The following DOP1A variants were observed in gnomAD, a reference collection of about 807,000 sequenced individuals.
The protein encoded by DOP1A is protein DOP1A.
A neutral mutation model predicts 267.6 loss-of-function variants in DOP1A; 90 were observed. The ratio of observed to expected loss-of-function variants is 0.34; its 90% confidence interval spans 0.28 to 0.40. DOP1A has a LOEUF of 0.40. Ranked by LOEUF, DOP1A falls within the 10% of genes least tolerant of loss-of-function variation. DOP1A has a pLI of 1.00. For missense variants in DOP1A, 2,437 were observed against 2,900.4 expected, an observed-to-expected ratio of 0.84 and a Z score of 3.67; for synonymous variants, 932 against 999.1, an observed-to-expected ratio of 0.93 and a Z score of 1.27.
At chr6:83,141,882 T>G in intron 23 of DOP1A, 39 bp from the exon 24 acceptor site, 1 of 1,571,410 alleles carries the variant, frequency 6.4e-7, no homozygotes, top group Non-Finnish European at 8.6e-7. Flanking sequence ...TTTTTCATTT[T>G]TTAAAAGTTT....
chr6:83,116,006 A>G (rs985459966), intron 7 of DOP1A, among the ~76,000 whole-genome samples: 2 of 152,220 alleles, frequency 1.3e-5, no homozygotes, highest in Non-Finnish European at 2.9e-5. Flanking sequence ...TTAAAAGTAC[A>G]GAAGGTCCTC....
intron 38 of DOP1A, chr6:83,167,407 G>A: frequency 2.0e-6 from 2 of 981,432 alleles, no homozygotes; most frequent in South Asian, 4.7e-5. Context: ...AGGCCATTTA[G>A]ATAAAAGGGA....
chr6:83,145,175 T>A (rs9353122), intron 24 of DOP1A, among the ~76,000 whole-genome samples: 1 of 81,650 alleles, frequency 1.2e-5, no homozygotes, highest in Non-Finnish European at 2.2e-5. Context: ...ATATATATAT[T>A]TAAAAGTATA....
Position 83,092,563 on chromosome 6 carries a change from C to G in DOP1A, c.-146-4168C>G, listed in dbSNP as rs7747837. Among the ~76,000 whole-genome samples the G allele has an allele frequency of 2.2e-3, 260 of 115,936 alleles. 4 individuals are homozygous for G. Among genetic ancestry groups the G allele is most frequent in the African/African-American group, 7.9e-3 (243 of 30,830 alleles). The allele number at this position is 115,936 out of a possible 152,430, so 76.1% of individuals were successfully genotyped here. On this transcript the variant is annotated intron_variant, in intron 1 of 38. Coordinates refer to ENST00000349129, the MANE Select transcript of DOP1A (RefSeq NM_015018.4). The stretch of plus-strand genomic sequence containing the variant: ...AAGGGACAGTAGTGTCCCTCCCCCC[C>G]CCCCCACCATATTCACCAGGGATAT...
rs140576384 is a variant in DOP1A at position 83,137,621 on chromosome 6, G to T, written c.3579G>T (p.Thr1193=). The change falls in exon 21 of 39, where the codon ACG becomes ACT. Residue 1193 remains threonine, a synonymous_variant. Transcript: ENST00000349129. ...GTGATATAGATCCAGATGAAGAGAC[G>T]ATTAAAATTGAAGATGACTCCATTC... ...KCSDIDPDEE[T]IKIEDDSIQQ... 6.2e-7 allele frequency: 1 copy of T among 1,613,616 alleles called. No individual in the cohort carries two copies. The highest frequency in any genetic ancestry group is 1.3e-5 in the African/African-American group (1 of 74,870).
In DOP1A at chr6:83,137,837, C is replaced by T; in HGVS notation, c.3795C>T (p.His1265=). 2 of 1,613,640 alleles carry T rather than the reference C, an allele frequency of 1.2e-6. No homozygotes were observed. Among genetic ancestry groups the T allele is most frequent in the Non-Finnish European group, 1.7e-6 (2 of 1,179,846 alleles). Residue 1265 remains histidine, a synonymous_variant, in exon 21 of 39, where the codon CAC becomes CAT. Transcript: ENST00000349129. The part of the protein sequence containing the change: ...SIETKSRQRS[H]SSIQFSFKEK... Reference sequence around the variant, plus strand: ...AAACCAAATCTAGACAAAGGAGTCACAGTAGTATTCAATTCAGCTTCAAAG... The same window carrying T: ...AAACCAAATCTAGACAAAGGAGTCATAGTAGTATTCAATTCAGCTTCAAAG...
chr6:83,130,600 G>A (rs1777864480), intron 17 of DOP1A, among the ~76,000 whole-genome samples: 1 of 152,150 alleles, frequency 6.6e-6, no homozygotes, highest in Non-Finnish European at 1.5e-5. Context: ...GTGAGCAGGG[G>A]AGAAAGATAA....
At chr6:83,101,339 G>C (rs902444397) in intron 4 of DOP1A, among the ~76,000 whole-genome samples, 1 of 152,100 alleles carries the variant, frequency 6.6e-6, no homozygotes, top group African/African-American at 2.4e-5. Flanking sequence ...TTAAATATTT[G>C]AGTTAAGTGA....
chr6:83,077,084 A>C (rs893821548), intron 1 of DOP1A, among the ~76,000 whole-genome samples: 55 of 152,250 alleles, frequency 3.6e-4, no homozygotes, highest in African/African-American at 1.3e-3. Context: ...TCATAAAAGC[A>C]GAAAATAGAA....
intron 5 of DOP1A, among the ~76,000 whole-genome samples, chr6:83,109,309 T>C (rs1389245897): frequency 6.6e-6 from 1 of 152,164 alleles, no homozygotes; most frequent in Non-Finnish European, 1.5e-5. Context: ...ATGTACTGAG[T>C]TGAAATCTTG....
In DOP1A at chr6:83,129,640, T is replaced by A. The variant is rs577007564; in HGVS notation, c.2341+132T>A. The A allele has an allele frequency of 2.6e-5, 23 of 883,262 alleles. No homozygotes were observed. The Middle Eastern group carries it at 9.5e-4, about 36-fold the overall frequency. 54.7% of individuals were successfully genotyped at this position (883,262 alleles called of 1,614,324 possible). A position where few individuals can be genotyped will look rare whatever the true frequency, so the allele number is the denominator to read the frequency against. On this transcript the variant is annotated intron_variant, in intron 16 of 38. Transcript: ENST00000349129. The stretch of plus-strand genomic sequence containing the variant: ...TAATGTTTTAATTTGCAAGTTTTTT[T>A]AAAAATGAAATACTGTCACTATGGG...
At chr6:83,083,371 A>G (rs1180745456) in intron 1 of DOP1A, among the ~76,000 whole-genome samples, 1 of 151,236 alleles carries the variant, frequency 6.6e-6, no homozygotes, top group African/African-American at 2.4e-5. Flanking sequence ...AAAGTTAATG[A>G]GAGAGGAGAG....
intron 4 of DOP1A, among the ~76,000 whole-genome samples, chr6:83,101,402 T>C (rs1772568460): frequency 6.6e-6 from 1 of 152,196 alleles, no homozygotes. Context: ...TATTCTTAGA[T>C]ATCATTTATT....
At chr6:83,105,867 A>T (rs1464781974) in intron 4 of DOP1A, among the ~76,000 whole-genome samples, 10 of 152,248 alleles carry the variant, frequency 6.6e-5, no homozygotes, top group Non-Finnish European at 1.0e-4. Context: ...CTTAACAGAA[A>T]GTTTAAGCAA....
At chr6:83,167,114 T>A in intron 38 of DOP1A, 1 of 967,892 alleles carries the variant, frequency 1.0e-6, no homozygotes, top group South Asian at 4.8e-5. Context: ...GACAGAGTTT[T>A]CACATACCTT....
intron 15 of DOP1A, among the ~76,000 whole-genome samples, chr6:83,127,215 A>T (rs1777328791): frequency 6.6e-6 from 1 of 152,194 alleles, no homozygotes; most frequent in Non-Finnish European, 1.5e-5. Flanking sequence ...AGTCCTTCTC[A>T]TTCTAACCTG....
intron 38 of DOP1A, chr6:83,166,532 A>C (rs1785681334): frequency 1.5e-6 from 1 of 667,892 alleles, no homozygotes; most frequent in Non-Finnish European, 2.7e-6. Context: ...AGTCTAAAAT[A>C]AATATAAACA....
intron 4 of DOP1A, among the ~76,000 whole-genome samples, chr6:83,107,873 G>A (rs539874122): frequency 6.6e-6 from 1 of 152,310 alleles, no homozygotes; most frequent in African/African-American, 2.4e-5. Context: ...CAGTATAGCT[G>A]GAGCAGAGGG....
At chr6:83,166,502 T>C (rs547138127) in intron 38 of DOP1A, 718 of 697,752 alleles carry the variant, frequency 1.0e-3, no homozygotes, top group Non-Finnish European at 1.7e-3. Flanking sequence ...AATTTGATTT[T>C]TGTCTAACAT....
Sources: allele counts gnomAD v4.1 joint callset (sites outside exome capture counted in the v4.1 genomes callset), GRCh38; gene constraint gnomAD v4.1.1; transcripts MANE v1.5; gene names NCBI Gene and HGNC (gene_info 2026-07-23, HGNC 2026-07-21).